The following PIWIL1 variants were observed in gnomAD, a reference collection of about 807,000 sequenced individuals.
PIWIL1 encodes the protein piwi like RNA-mediated gene silencing 1.
Under a neutral mutation model 114.4 loss-of-function variants are expected in PIWIL1, and 73 were observed. The observed-to-expected ratio is 0.64, with a 90% CI of 0.53 to 0.78. The LOEUF is 0.78. PIWIL1 is among the 30% of genes least tolerant of loss of function. PIWIL1 has a pLI of 0.00. For synonymous variants in PIWIL1, 375 were observed against 369.0 expected (o/e 1.02, Z -0.19); for missense variants, 723 against 1,063.1 (o/e 0.68, Z 4.45).
At chr12:130,410,043 G>A in the PIWIL1 span, among the ~76,000 whole-genome samples, 1 of 152,240 alleles carries the variant, frequency 6.6e-6, no homozygotes, top group Non-Finnish European at 1.5e-5. Context: ...CACACTTTGT[G>A]CCCACACCTG....
intron 9 of PIWIL1, among the ~76,000 whole-genome samples, chr12:130,352,604 C>T (rs961943706): frequency 2.6e-5 from 4 of 152,116 alleles, no homozygotes; most frequent in South Asian, 2.1e-4. Flanking sequence ...CGCTGGAACT[C>T]GGGAGACGGA....
At chr12:130,393,533 C>G in the PIWIL1 span, among the ~76,000 whole-genome samples, 1 of 149,520 alleles carries the variant, frequency 6.7e-6, no homozygotes, top group African/African-American at 2.5e-5. Flanking sequence ...GTGGGTGCAT[C>G]AGTTCTGGTG....
At chr12:130,339,605 A>G (rs778471429) in intron 1 of PIWIL1, 2 of 152,216 alleles carry the variant, frequency 1.3e-5, no homozygotes, top group Non-Finnish European at 1.5e-5. Context: ...TAAGAATTCA[A>G]TATCCAGACT....
At chr12:130,412,247 C>T in the PIWIL1 span, among the ~76,000 whole-genome samples, 3 of 152,194 alleles carry the variant, frequency 2.0e-5, no homozygotes, top group East Asian at 1.9e-4. Context: ...GGCATAGCGG[C>T]CCCCCAACCA....
At chr12:130,378,895 G>C in the PIWIL1 span, among the ~76,000 whole-genome samples, 3 of 152,162 alleles carry the variant, frequency 2.0e-5, no homozygotes, top group South Asian at 4.1e-4. Flanking sequence ...TCCAGTTTCT[G>C]GCTTGCTGTT....
At chr12:130,402,041 C>G in the PIWIL1 span, among the ~76,000 whole-genome samples, 1 of 152,206 alleles carries the variant, frequency 6.6e-6, no homozygotes, top group Non-Finnish European at 1.5e-5. Context: ...CTGGTTATTG[C>G]TCTTGTTCTT....
intron 18 of PIWIL1, among the ~76,000 whole-genome samples, chr12:130,363,518 G>A (rs1296591450): frequency 6.7e-6 from 1 of 148,902 alleles, no homozygotes; most frequent in Admixed American, 6.7e-5. Context: ...CTGAATACTT[G>A]TTTCATTTCC....
the PIWIL1 span, among the ~76,000 whole-genome samples, chr12:130,392,996 G>C: frequency 7.1e-6 from 1 of 140,680 alleles, no homozygotes; most frequent in African/African-American, 2.7e-5. Flanking sequence ...CAGTTACCTG[G>C]TGAGTATTGA....
chr12:130,390,764 C>T, the PIWIL1 span, among the ~76,000 whole-genome samples: 1 of 152,190 alleles, frequency 6.6e-6, no homozygotes, highest in Non-Finnish European at 1.5e-5. Context: ...CTCCCTTTCA[C>T]CCTTTCTTTT....
At chr12:130,369,411 C>T (rs979518369) in intron 19 of PIWIL1, among the ~76,000 whole-genome samples, 1 of 152,154 alleles carries the variant, frequency 6.6e-6, no homozygotes, top group African/African-American at 2.4e-5. Context: ...GGTATATACC[C>T]AGTAATGGGA....
At chr12:130,350,461 A>G (rs1007064818) in intron 9 of PIWIL1, among the ~76,000 whole-genome samples, 22 of 152,226 alleles carry the variant, frequency 1.4e-4, no homozygotes, top group African/African-American at 4.6e-4. Flanking sequence ...CACAGGCTAG[A>G]TCAGTCTTTT....
chr12:130,392,276 G>T, the PIWIL1 span, among the ~76,000 whole-genome samples: 1 of 123,644 alleles, frequency 8.1e-6, no homozygotes, highest in Non-Finnish European at 1.9e-5. Context: ...CAGTTACCTG[G>T]TGAATATTGA....
the PIWIL1 span, chr12:130,396,127 A>C: frequency 1.3e-5 from 2 of 152,660 alleles, no homozygotes; most frequent in African/African-American, 4.8e-5. Flanking sequence ...AAGAGAATAA[A>C]CAGTGTTGTA....
Position 130,349,459 on chromosome 12 carries a change from A to G in PIWIL1, c.932+23A>G, listed in dbSNP as rs530127883. 22 of 1,514,740 alleles carry G rather than the reference A, an allele frequency of 1.5e-5. No individual in the cohort carries two copies. The South Asian group carries it at 2.4e-4, about 16-fold the overall frequency. The allele number at this position is 1,514,740 out of a possible 1,614,324, so 93.8% of individuals were successfully genotyped here. ...CAAGTAAGACTGCTTTTTAAAGTGC[A>G]CAATAATTTTTTGTGAGTCAAAGTA... is the stretch of plus-strand genomic sequence containing the variant. On this transcript the variant is annotated intron_variant, in intron 8 of 20. Transcript: ENST00000245255.
Position 130,367,240 on chromosome 12 carries a change from A to G in PIWIL1, c.2303A>G (p.Glu768Gly). The change falls in exon 19 of 21, where the codon GAG (glutamate) becomes GGG (glycine). Residue 768 changes from glutamate to glycine, a missense_variant. By Grantham distance (98) the Glu-to-Gly change is moderately conservative. This residue lies in a region of PIWIL1 where 106 missense variants were observed against 182.8 expected (regional missense o/e 0.58). Coordinates refer to ENST00000245255, the MANE Select transcript of PIWIL1 (RefSeq NM_004764.5). ...NPLPGTVIDV[E>G]VTRPEWYDFF... ...CTTCCTGGAACAGTTATTGATGTAG[A>G]GGTTACCAGACCAGAATGGTAAGTT... 6.2e-7 allele frequency: 1 copy of G among 1,613,920 alleles called. No individual in the cohort carries two copies.
At chr12:130,374,779 C>T (rs2073853739), downstream of PIWIL1, among the ~76,000 whole-genome samples, 2 of 152,210 alleles carry the variant, frequency 1.3e-5, no homozygotes, top group Non-Finnish European at 2.9e-5. Flanking sequence ...ATTTCAGGCT[C>T]ATCTCTGAGG....
the PIWIL1 span, chr12:130,399,151 A>C: frequency 7.2e-7 from 1 of 1,397,408 alleles, no homozygotes; most frequent in Non-Finnish European, 9.4e-7. Flanking sequence ...TGTGAAATGA[A>C]CACTCTTCTT....
the PIWIL1 span, among the ~76,000 whole-genome samples, chr12:130,415,921 T>C: frequency 6.6e-6 from 1 of 151,882 alleles, no homozygotes; most frequent in Non-Finnish European, 1.5e-5. Context: ...TTGTTCAAGC[T>C]GAGAGCCAAA....
chr12:130,338,960 C>T (rs1478821645), intron 1 of PIWIL1, among the ~76,000 whole-genome samples: 1 of 151,862 alleles, frequency 6.6e-6, no homozygotes, highest in Non-Finnish European at 1.5e-5. Context: ...GAGGTCTCCG[C>T]ATTGGCGGCC....
Sources: gnomAD v4.1 joint callset for allele counts (sites outside exome capture counted in the v4.1 genomes callset) on GRCh38, gnomAD v4.1.1 for gene constraint, gnomAD v4.1.1 regional missense constraint, MANE v1.5 for transcripts, NCBI Gene and HGNC (gene_info 2026-07-23, HGNC 2026-07-21) for gene names.